NRG1: variants seen among roughly 807,000 people sequenced by gnomAD.
NRG1 encodes the protein neuregulin 1.
In NRG1, 18 loss-of-function variants were observed where a neutral mutation model predicts 63.8. That is an observed-to-expected ratio of 0.28 (90% CI 0.19 to 0.42). The LOEUF is 0.42. NRG1 is among the 10% of genes least tolerant of loss of function. The pLI is 1.00. For missense variants in NRG1, 762 were observed against 814.7 expected, an observed-to-expected ratio of 0.94 and a Z score of 0.79; for synonymous variants, 302 against 301.3, an observed-to-expected ratio of 1.00 and a Z score of -0.02.
chr8:31,814,890 G>T (rs1823284407), intron 1 of NRG1, among the ~76,000 whole-genome samples: 1 of 151,872 alleles, frequency 6.6e-6, no homozygotes, highest in Non-Finnish European at 1.5e-5. Context: ...CCCCCTGCAA[G>T]CCTCTTCTGA....
intron 7 of NRG1, among the ~76,000 whole-genome samples, chr8:32,746,663 A>C (rs1827489422): frequency 6.6e-6 from 1 of 152,126 alleles, no homozygotes; most frequent in African/African-American, 2.4e-5. Context: ...CACAGCAGGA[A>C]ATCACATGTA....
rs143835879 is a variant in NRG1, at chr8:31,836,825, A to G, written c.37+197394A>G. ...AAATGAATGCACTAGGTCAAATAGT[A>G]TATACACATTTTAAATTTTGATAAA... On this transcript the variant is annotated intron_variant, in intron 1 of 10. Transcript: ENST00000519301. Among the ~76,000 whole-genome samples, 595 of 152,238 alleles carry G rather than the reference A, an allele frequency of 3.9e-3. 1 individual carries two copies. The highest frequency in any genetic ancestry group is 0.024 in the Middle Eastern group (7 of 294).
chr8:32,543,784 A>G (rs928719582), upstream of NRG1, among the ~76,000 whole-genome samples: 8 of 152,170 alleles, frequency 5.3e-5, no homozygotes, highest in African/African-American at 1.9e-4. Context: ...CTAAGCTCAT[A>G]ATTTTATCAT....
rs544139063 is a variant in NRG1, at chr8:32,325,657, G to A, written c.38-270171G>A. ...GCTTCCCAAAGTGCTGGGAATATAG[G>A]CATGTGCCCACACCTGGCCTATTTG... is the stretch of plus-strand genomic sequence containing the variant. On this transcript the variant is annotated intron_variant, in intron 1 of 10. Transcript: ENST00000519301. Among the ~76,000 whole-genome samples the A allele has an allele frequency of 2.0e-5, 3 of 152,258 alleles. No homozygotes were observed. In the East Asian group the frequency reaches 5.8e-4, roughly 29 times the overall value.
chr8:32,628,761 C>G (rs544712975), intron 5 of NRG1, among the ~76,000 whole-genome samples: 2 of 138,134 alleles, frequency 1.4e-5, no homozygotes, highest in East Asian at 4.3e-4. Flanking sequence ...GATATGAAGT[C>G]TCGCTCTGTC....
intron 1 of NRG1, among the ~76,000 whole-genome samples, chr8:32,390,589 C>G (rs1008506496): frequency 7.6e-6 from 1 of 130,776 alleles, no homozygotes; most frequent in Admixed American, 8.5e-5. Context: ...GGCAACAGAG[C>G]GAGACCCTGT....
intron 5 of NRG1, among the ~76,000 whole-genome samples, chr8:32,676,639 C>T (rs993595574): frequency 6.6e-6 from 1 of 152,118 alleles, no homozygotes. Context: ...ACTTTAACAA[C>T]GGCTGACACT....
intron 1 of NRG1, among the ~76,000 whole-genome samples, chr8:32,333,464 C>T (rs1802891586): frequency 6.6e-6 from 1 of 151,948 alleles, no homozygotes. Context: ...TAATGGGATC[C>T]CTTGAATAAA....
At chr8:32,498,209 A>G (rs1827446194) in intron 1 of NRG1, among the ~76,000 whole-genome samples, 1 of 152,084 alleles carries the variant, frequency 6.6e-6, no homozygotes, top group East Asian at 1.9e-4. Flanking sequence ...GGGTTTATAA[A>G]CCCTTCTTAA....
intron 1 of NRG1, among the ~76,000 whole-genome samples, chr8:32,317,088 T>C (rs1257141960): frequency 1.3e-5 from 2 of 151,600 alleles, no homozygotes; most frequent in Non-Finnish European, 2.9e-5. Flanking sequence ...CTAGATATTA[T>C]TTTTTGATGT....
In NRG1 at chr8:32,516,979, A is replaced by G. The variant is rs1563573339; in HGVS notation, c.38-78849A>G. 3.4e-5 allele frequency among the ~76,000 whole-genome samples: 4 copies of G among 118,530 alleles called. No homozygotes were observed. In the South Asian group the frequency reaches 1.1e-3, roughly 32 times the overall value. 77.8% of individuals were successfully genotyped at this position (118,530 alleles called of 152,430 possible). A position where few individuals can be genotyped will look rare whatever the true frequency, so the allele number is the denominator to read the frequency against. The stretch of plus-strand genomic sequence containing the variant: ...AAAGATACTTAGGGAGGGAAAAAAG[A>G]TGACTTTATTAAGGATCTCTGGAAA... On this transcript the variant is annotated intron_variant, in intron 1 of 10. Coordinates refer to the NRG1 transcript ENST00000519301.
At position 32,378,942 on chromosome 8, in the gene NRG1, C is replaced by T. The variant is rs558885563; in HGVS notation, c.38-216886C>T. Reference sequence around the variant, plus strand: ...GTTTCATCCATGTCCCTACAAAGGACATGAACTCATCATTTTTTTTGGCTG... The same window carrying T: ...GTTTCATCCATGTCCCTACAAAGGATATGAACTCATCATTTTTTTTGGCTG... On this transcript the variant is annotated intron_variant, in intron 1 of 10. Coordinates refer to the NRG1 transcript ENST00000519301. 3.2e-3 allele frequency among the ~76,000 whole-genome samples: 489 copies of T among 152,236 alleles called. 3 individuals are homozygous for T. Among genetic ancestry groups the T allele is most frequent in the African/African-American group, 0.011 (469 of 41,548 alleles).
At chr8:32,739,148 C>G (rs1825784439) in intron 6 of NRG1, among the ~76,000 whole-genome samples, 1 of 152,164 alleles carries the variant, frequency 6.6e-6, no homozygotes, top group South Asian at 2.1e-4. Flanking sequence ...ATAGCGTGTC[C>G]ATGTGCAAAC....
chr8:31,684,242 A>C (rs1239630112), intron 1 of NRG1, among the ~76,000 whole-genome samples: 1 of 152,148 alleles, frequency 6.6e-6, no homozygotes, highest in Non-Finnish European at 1.5e-5. Flanking sequence ...CTTGATCTCC[A>C]ATGTAACAGT....
At position 32,047,043 on chromosome 8, in the gene NRG1, C is replaced by T. The variant is rs964856375; in HGVS notation, c.37+407612C>T. On this transcript the variant is annotated intron_variant, in intron 1 of 10. Transcript: ENST00000519301. ...TCTCTGGCTACACTCATTTTCCCAA[C>T]GTATTTTTTTGCCCAGCATTGTTGT... Among the ~76,000 whole-genome samples the T allele has an allele frequency of 4.6e-5, 7 of 152,148 alleles. No homozygotes were observed. In the East Asian group the frequency reaches 1.4e-3, roughly 29 times the overall value.
At position 32,647,358 on chromosome 8, in the gene NRG1, A is replaced by G. The variant is rs570249626; in HGVS notation, c.502+30473A>G. On this transcript the variant is annotated intron_variant, in intron 5 of 11. Transcript: ENST00000356819. ...GCTTCAGATGCTCGAGGTGAGAAAC[A>G]TGCCTTTCAGTTTGGGCTACTGGTT... is the stretch of plus-strand genomic sequence containing the variant. The G allele has an allele frequency of 1.9e-4, 186 of 985,378 alleles. No individual in the cohort carries two copies. The African/African-American group carries it at 2.8e-3, about 15-fold the overall frequency. The allele number at this position is 985,378 out of a possible 1,614,324, so 61.0% of individuals were successfully genotyped here.
At chr8:32,448,395 C>T (rs536669580) in intron 1 of NRG1, among the ~76,000 whole-genome samples, 4 of 152,220 alleles carry the variant, frequency 2.6e-5, no homozygotes, top group Admixed American at 6.5e-5. Flanking sequence ...AATAAAATAT[C>T]GAGGGCTTAA....
rs544240027 is a variant in NRG1 at position 32,005,271 on chromosome 8, C to CT, written c.37+365841dup. ...TGGGACTTAACATCAGCTCCATATG[C>CT]TACAGAGTCAAGTATCCTCACATAT... is the stretch of plus-strand genomic sequence containing the variant. On this transcript the variant is annotated intron_variant, in intron 1 of 10. Transcript: ENST00000519301. 6.6e-5 allele frequency among the ~76,000 whole-genome samples: 10 copies of CT among 151,962 alleles called. No homozygotes were observed. The South Asian group carries it at 2.1e-3, about 32-fold the overall frequency.
rs189867744 is a variant in NRG1, at chr8:31,965,074, T to C, written c.37+325643T>C. 1.1e-4 allele frequency among the ~76,000 whole-genome samples: 16 copies of C among 152,308 alleles called. No homozygotes were observed. The East Asian group carries it at 2.7e-3, about 26-fold the overall frequency. On this transcript the variant is annotated intron_variant, in intron 1 of 10. Transcript: ENST00000519301. Reference sequence around the variant, plus strand: ...GCTGAGATTTTAGCCAAGAGCTTGTTAACATCTTTCCAGTTCCCAGATAGA... The same window carrying C: ...GCTGAGATTTTAGCCAAGAGCTTGTCAACATCTTTCCAGTTCCCAGATAGA...
Sources: gnomAD v4.1 joint callset for allele counts (sites outside exome capture counted in the v4.1 genomes callset) on GRCh38, gnomAD v4.1.1 for gene constraint, MANE v1.5 for transcripts, NCBI Gene and HGNC (gene_info 2026-07-23, HGNC 2026-07-21) for gene names.